Variants in SPAG16 observed in about 807,000 individuals in gnomAD.
SPAG16 encodes sperm associated antigen 16.
SPAG16 carries 86 observed loss-of-function variants against 80.4 expected under a neutral mutation model. That is an observed-to-expected ratio of 1.07 (90% confidence interval 0.90 to 1.28). The LOEUF (loss-of-function observed/expected upper bound fraction) is 1.28, where lower values mean the gene tolerates loss of function less well. SPAG16 is among the 50% of genes most tolerant of loss of function. The pLI is 0.00. For synonymous variants in SPAG16, 294 were observed against 265.9 expected (o/e 1.11, Z -1.03); for missense variants, 870 against 765.3 (o/e 1.14, Z -1.61).
chr2:213,544,585 T>C (rs896721213), intron 10 of SPAG16, among the ~76,000 whole-genome samples: 4 of 152,086 alleles, frequency 2.6e-5, no homozygotes, highest in African/African-American at 7.2e-5. Context: ...TTCTATGGGT[T>C]TGGACAAATT....
chr2:213,877,454 C>T (rs1441878568), intron 11 of SPAG16, among the ~76,000 whole-genome samples: 2 of 152,052 alleles, frequency 1.3e-5, no homozygotes, highest in Non-Finnish European at 2.9e-5. Flanking sequence ...GGACCACAGT[C>T]ACACGCTACC....
At chr2:213,692,853 A>G (rs1269613689) in intron 10 of SPAG16, among the ~76,000 whole-genome samples, 3 of 151,974 alleles carry the variant, frequency 2.0e-5, no homozygotes, top group Admixed American at 6.6e-5. Flanking sequence ...CTTGAAAACT[A>G]TATGTCAGTT....
chr2:214,037,733 A>G (rs1202119594), intron 13 of SPAG16, among the ~76,000 whole-genome samples: 2 of 152,066 alleles, frequency 1.3e-5, no homozygotes, highest in East Asian at 3.8e-4. Flanking sequence ...TGTCATGCCT[A>G]TTTTGTGAAT....
chr2:214,050,922 C>T (rs1051225825), intron 13 of SPAG16, among the ~76,000 whole-genome samples: 5 of 152,196 alleles, frequency 3.3e-5, no homozygotes, highest in African/African-American at 4.8e-5. Context: ...CACTCTTGCA[C>T]ATGTTTTACT....
At chr2:214,402,219 C>T (rs1328076980) in intron 15 of SPAG16, among the ~76,000 whole-genome samples, 1 of 151,848 alleles carries the variant, frequency 6.6e-6, no homozygotes, top group Non-Finnish European at 1.5e-5. Flanking sequence ...TACAAAATGA[C>T]ATCATTTGGC....
At chr2:213,455,276 T>C (rs1023619313) in intron 9 of SPAG16, among the ~76,000 whole-genome samples, 4 of 152,204 alleles carry the variant, frequency 2.6e-5, no homozygotes, top group Non-Finnish European at 4.4e-5. Flanking sequence ...TAGCTTAACT[T>C]CAAAATTCAT....
At chr2:214,085,378 C>CAA (rs5838406) in intron 13 of SPAG16, among the ~76,000 whole-genome samples, 97 of 120,208 alleles carry the variant, frequency 8.1e-4, no homozygotes, top group African/African-American at 2.7e-3. Context: ...GATTCCACCT[C>CAA]AAAAAAAAAA....
chr2:214,225,570 TTTATTA>T (rs1251771186), intron 15 of SPAG16, among the ~76,000 whole-genome samples: 3 of 152,254 alleles, frequency 2.0e-5, no homozygotes, highest in African/African-American at 7.2e-5. Flanking sequence ...GTGACAGGCT[TTTATTA>T]TTACCAAAAA....
At chr2:214,369,404 T>G (rs939322478) in intron 15 of SPAG16, among the ~76,000 whole-genome samples, 2 of 152,124 alleles carry the variant, frequency 1.3e-5, no homozygotes, top group Non-Finnish European at 2.9e-5. Flanking sequence ...ACTTTTCTTT[T>G]CATATTATAG....
chr2:213,925,998 G>T (rs901052457), intron 11 of SPAG16, among the ~76,000 whole-genome samples: 1 of 151,658 alleles, frequency 6.6e-6, no homozygotes, highest in African/African-American at 2.4e-5. Context: ...ATCCTGTTTG[G>T]TATACATTTT....
chr2:213,806,391 T>G (rs935171092), intron 10 of SPAG16, among the ~76,000 whole-genome samples: 1 of 152,178 alleles, frequency 6.6e-6, no homozygotes, highest in African/African-American at 2.4e-5. Context: ...ATTATTAGAT[T>G]AAACCAAAAC....
intron 15 of SPAG16, among the ~76,000 whole-genome samples, chr2:214,289,448 T>C (rs1693629131): frequency 6.6e-6 from 1 of 152,212 alleles, no homozygotes; most frequent in South Asian, 2.1e-4. Flanking sequence ...TTATTTTACA[T>C]ATGTACATCT....
chr2:213,547,365 C>A (rs561904774), intron 10 of SPAG16, among the ~76,000 whole-genome samples: 3 of 152,108 alleles, frequency 2.0e-5, no homozygotes, highest in African/African-American at 7.2e-5. Flanking sequence ...AAAGTGAATA[C>A]TTATTTGGTC....
chr2:213,566,212 A>T (rs1156859282), intron 10 of SPAG16, among the ~76,000 whole-genome samples: 1 of 152,186 alleles, frequency 6.6e-6, no homozygotes, highest in South Asian at 2.1e-4. Flanking sequence ...CGTTGGAGGA[A>T]TTATCCAAAT....
At chr2:213,893,256 C>A (rs1337160919) in intron 11 of SPAG16, among the ~76,000 whole-genome samples, 1 of 151,856 alleles carries the variant, frequency 6.6e-6, no homozygotes. Context: ...CTTTCCCAGA[C>A]AAACAAGAGC....
At chr2:213,537,259 A>T (rs796259495) in intron 10 of SPAG16, among the ~76,000 whole-genome samples, 2 of 151,960 alleles carry the variant, frequency 1.3e-5, no homozygotes, top group Non-Finnish European at 2.9e-5. Flanking sequence ...ACATGTATAC[A>T]TATGTAACTA....
At chr2:213,482,653 A>AT (rs1454591227) in intron 9 of SPAG16, among the ~76,000 whole-genome samples, 17 of 152,306 alleles carry the variant, frequency 1.1e-4, no homozygotes, top group Admixed American at 8.5e-4. Flanking sequence ...ATTATAAACC[A>AT]TCAGTGGAAC....
rs191541666 is a variant in SPAG16, at chr2:213,983,902, T to C, written c.1401-30049T>C. Among the ~76,000 whole-genome samples the C allele has an allele frequency of 8.5e-5, 13 of 152,152 alleles. No individual in the cohort carries two copies. In the East Asian group the frequency reaches 1.7e-3, roughly 20 times the overall value. The stretch of plus-strand genomic sequence containing the variant: ...TGATAGTAATATCATAGTAGTGACA[T>C]TGGAACCCGCATGCAAGTCATTATA... On this transcript the variant is annotated intron_variant, in intron 12 of 15. Coordinates refer to ENST00000331683, the MANE Select transcript of SPAG16 (RefSeq NM_024532.5).
At chr2:213,607,563 G>T (rs2061306620) in intron 10 of SPAG16, among the ~76,000 whole-genome samples, 1 of 152,094 alleles carries the variant, frequency 6.6e-6, no homozygotes, top group Non-Finnish European at 1.5e-5. Context: ...GTGCTAGTAG[G>T]TATTATTGTC....
Sources: gnomAD v4.1 joint callset for allele counts (sites outside exome capture counted in the v4.1 genomes callset) on GRCh38, gnomAD v4.1.1 for gene constraint, MANE v1.5 for transcripts, NCBI Gene and HGNC (gene_info 2026-07-23, HGNC 2026-07-21) for gene names.